CAMK2D: variants seen among roughly 807,000 people sequenced by gnomAD.
CAMK2D encodes the protein calcium/calmodulin-dependent protein kinase type II subunit delta.
A neutral mutation model predicts 84.0 loss-of-function variants in CAMK2D; 37 were observed. That is an observed-to-expected ratio of 0.44 (90% CI 0.34 to 0.58). The LOEUF (loss-of-function observed/expected upper bound fraction) is 0.58. CAMK2D is among the 20% of genes least tolerant of loss of function. The pLI is 0.02. For missense variants in CAMK2D, 448 were observed against 652.5 expected (o/e 0.69, Z 3.41); for synonymous variants, 202 against 212.5 (o/e 0.95, Z 0.43).
At chr4:113,470,349 A>C (rs2097531969) in intron 16 of CAMK2D, among the ~76,000 whole-genome samples, 1 of 152,146 alleles carries the variant, frequency 6.6e-6, no homozygotes, top group African/African-American at 2.4e-5. Flanking sequence ...TATTTCTTCA[A>C]AAATGCCTTC....
At chr4:113,658,886 C>G (rs993414914) in intron 3 of CAMK2D, among the ~76,000 whole-genome samples, 1 of 152,138 alleles carries the variant, frequency 6.6e-6, no homozygotes, top group African/African-American at 2.4e-5. Flanking sequence ...TCCTTTTGTA[C>G]TCCTGAAATC....
At chr4:113,707,039 C>T (rs893969778) in intron 2 of CAMK2D, among the ~76,000 whole-genome samples, 4 of 151,760 alleles carry the variant, frequency 2.6e-5, no homozygotes, top group African/African-American at 7.3e-5. Flanking sequence ...TGGCCACGTG[C>T]GAGAATTGAA....
intron 7 of CAMK2D, among the ~76,000 whole-genome samples, chr4:113,534,865 C>T (rs1353597566): frequency 6.6e-6 from 1 of 152,156 alleles, no homozygotes; most frequent in Non-Finnish European, 1.5e-5. Flanking sequence ...CAATATCATA[C>T]AGCTGTTAAG....
At chr4:113,489,293 C>T (rs2097796877) in intron 16 of CAMK2D, among the ~76,000 whole-genome samples, 1 of 124,374 alleles carries the variant, frequency 8.0e-6, no homozygotes, top group Admixed American at 9.1e-5. Context: ...TCCCCCCTCC[C>T]CCCACCCCAC....
At chr4:113,597,004 G>C (rs2098930230) in intron 4 of CAMK2D, among the ~76,000 whole-genome samples, 1 of 151,992 alleles carries the variant, frequency 6.6e-6, no homozygotes, top group African/African-American at 2.4e-5. Flanking sequence ...ATTTTTAGTA[G>C]AGACGGGGTT....
chr4:113,678,487 T>C (rs2154332411), intron 2 of CAMK2D, among the ~76,000 whole-genome samples: 1 of 152,228 alleles, frequency 6.6e-6, no homozygotes, highest in Middle Eastern at 3.4e-3. Context: ...TTTTAAATTT[T>C]AGTTGACACA....
intron 2 of CAMK2D, among the ~76,000 whole-genome samples, chr4:113,732,217 G>A (rs2099570704): frequency 6.6e-6 from 1 of 151,824 alleles, no homozygotes; most frequent in Non-Finnish European, 1.5e-5. Flanking sequence ...TCAAACTTCT[G>A]GGCTAAAGTG....
rs10525797 is a variant in CAMK2D, at chr4:113,663,590, A to AAATAATAATAATAATAAT, written c.161-1836_161-1819dup. On this transcript the variant is annotated intron_variant, in intron 2 of 20. Coordinates refer to ENST00000511664, the MANE Select transcript of CAMK2D (RefSeq NM_001321571.2). ...GGTGACAGCGGGAGGCTCTGTCTAA[A>AAATAATAATAATAATAAT]AATAATAATAATAATAATAATAATA... is the stretch of plus-strand genomic sequence containing the variant. Among the ~76,000 whole-genome samples, 917 of 145,980 alleles carry AAATAATAATAATAATAAT rather than the reference A, an allele frequency of 6.3e-3. 7 individuals are homozygous for AAATAATAATAATAATAAT. Among genetic ancestry groups the AAATAATAATAATAATAAT allele is most frequent in the African/African-American group, 0.022 (875 of 39,254 alleles).
At chr4:113,667,378 A>G (rs1164380975) in intron 2 of CAMK2D, among the ~76,000 whole-genome samples, 1 of 152,198 alleles carries the variant, frequency 6.6e-6, no homozygotes, top group Non-Finnish European at 1.5e-5. Flanking sequence ...ACAAAAGCTT[A>G]AAAATATAAT....
intron 2 of CAMK2D, among the ~76,000 whole-genome samples, chr4:113,732,117 C>T (rs1283250439): frequency 2.0e-5 from 3 of 151,708 alleles, no homozygotes; most frequent in Middle Eastern, 3.2e-3. Flanking sequence ...GACATCAGCA[C>T]TCCTTCTTTT....
chr4:113,560,410 A>G (rs756345171), intron 4 of CAMK2D, among the ~76,000 whole-genome samples: 20 of 152,232 alleles, frequency 1.3e-4, no homozygotes, highest in Non-Finnish European at 2.4e-4. Flanking sequence ...TCTATCAAGC[A>G]TCTAGTCTCG....
At chr4:113,720,275 A>C (rs1218214102) in intron 2 of CAMK2D, among the ~76,000 whole-genome samples, 1 of 151,992 alleles carries the variant, frequency 6.6e-6, no homozygotes, top group Non-Finnish European at 1.5e-5. Context: ...GTAGTAACCA[A>C]ATTTAAGTTG....
chr4:113,716,701 C>CT (rs1593477201), intron 2 of CAMK2D, among the ~76,000 whole-genome samples: 1 of 148,188 alleles, frequency 6.7e-6, no homozygotes, highest in East Asian at 2.0e-4. Context: ...GAACTCATCT[C>CT]TAACTTGAAA....
At chr4:113,707,401 T>C (rs972845007) in intron 2 of CAMK2D, among the ~76,000 whole-genome samples, 2 of 152,162 alleles carry the variant, frequency 1.3e-5, no homozygotes, top group Non-Finnish European at 2.9e-5. Context: ...TCTAGAAATA[T>C]ATGGGTTATT....
At chr4:113,461,753 G>A (rs1198161174) in intron 17 of CAMK2D, among the ~76,000 whole-genome samples, 2 of 152,178 alleles carry the variant, frequency 1.3e-5, no homozygotes, top group Non-Finnish European at 2.9e-5. Context: ...AGTGGATGGG[G>A]CCACATCTAA....
intron 13 of CAMK2D, among the ~76,000 whole-genome samples, chr4:113,506,647 C>G (rs1374142332): frequency 3.3e-5 from 5 of 152,134 alleles, no homozygotes; most frequent in Non-Finnish European, 7.4e-5. Flanking sequence ...CAAAACATAG[C>G]CGGCTTCCTG....
intron 3 of CAMK2D, among the ~76,000 whole-genome samples, chr4:113,612,323 C>G (rs576170755): frequency 6.6e-5 from 10 of 151,946 alleles, no homozygotes; most frequent in Admixed American, 5.2e-4. Flanking sequence ...TCTTTTTTTC[C>G]TTTTTAACAG....
intron 12 of CAMK2D, 117 bp downstream of exon 12, chr4:113,513,211 C>A: frequency 6.5e-7 from 1 of 1,539,312 alleles, no homozygotes; most frequent in Non-Finnish European, 8.7e-7. Flanking sequence ...ACATTTGCCA[C>A]CCCTGAACAA....
chr4:113,689,952 C>CAATA (rs1347543846), intron 2 of CAMK2D, among the ~76,000 whole-genome samples: 1 of 152,080 alleles, frequency 6.6e-6, no homozygotes, highest in African/African-American at 2.4e-5. Flanking sequence ...AATGAACACT[C>CAATA]AATAAATATT....
Sources: allele counts gnomAD v4.1 joint callset (sites outside exome capture counted in the v4.1 genomes callset), GRCh38; gene constraint gnomAD v4.1.1; transcripts MANE v1.5; gene names NCBI Gene and HGNC (gene_info 2026-07-23, HGNC 2026-07-21).